ROR2: variants seen among roughly 807,000 people sequenced by gnomAD.
The protein encoded by ROR2 is tyrosine-protein kinase transmembrane receptor ROR2.
A neutral mutation model predicts 74.9 loss-of-function variants in ROR2; 33 were observed. The ratio of observed to expected loss-of-function variants is 0.44; its 90% CI spans 0.33 to 0.59. The LOEUF (loss-of-function observed/expected upper bound fraction) is 0.59. Ranked by LOEUF, ROR2 falls within the 20% of genes least tolerant of loss-of-function variation. The pLI is 0.02. For missense variants in ROR2, 1,216 were observed against 1,313.8 expected, an observed-to-expected ratio of 0.93 and a Z score of 1.15; for synonymous variants, 586 against 558.7, an observed-to-expected ratio of 1.05 and a Z score of -0.69.
intron 1 of ROR2, among the ~76,000 whole-genome samples, chr9:91,896,208 T>C (rs892164766): frequency 1.3e-5 from 2 of 152,328 alleles, no homozygotes; most frequent in Middle Eastern, 3.4e-3. Context: ...AAAAGCAGCA[T>C]CACCCTAGAC....
At chr9:91,801,481 C>T (rs933082689) in intron 1 of ROR2, among the ~76,000 whole-genome samples, 1 of 152,168 alleles carries the variant, frequency 6.6e-6, no homozygotes, top group Non-Finnish European at 1.5e-5. Context: ...TACAGGCGCC[C>T]GCCACCACAC....
intron 2 of ROR2, among the ~76,000 whole-genome samples, chr9:91,764,899 T>C (rs1826016284): frequency 6.6e-6 from 1 of 152,238 alleles, no homozygotes; most frequent in South Asian, 2.1e-4. Flanking sequence ...ATGGTGACTG[T>C]TGGAAGTCCT....
intron 1 of ROR2, among the ~76,000 whole-genome samples, chr9:91,830,846 GTGTGTGTGTA>G (rs1828447012): frequency 6.6e-6 from 1 of 151,032 alleles, no homozygotes; most frequent in African/African-American, 2.4e-5. Context: ...GTGTGTGTGT[GTGTGTGTGTA>G]GAGAAACTCA....
chr9:91,870,845 A>G (rs895724090), intron 1 of ROR2, among the ~76,000 whole-genome samples: 3 of 152,386 alleles, frequency 2.0e-5, no homozygotes, highest in South Asian at 2.1e-4. Flanking sequence ...ATATTTTAGA[A>G]TAAGTCTTTT....
chr9:91,808,088 A>G (rs1827625630), intron 1 of ROR2, among the ~76,000 whole-genome samples: 1 of 150,998 alleles, frequency 6.6e-6, no homozygotes, highest in Non-Finnish European at 1.5e-5. Context: ...ATTTCTATAA[A>G]CACTAAGCGG....
chr9:91,773,702 C>T (rs1826318744), intron 2 of ROR2, among the ~76,000 whole-genome samples: 1 of 152,230 alleles, frequency 6.6e-6, no homozygotes, highest in Non-Finnish European at 1.5e-5. Context: ...CACCTTGCCC[C>T]AGCCCATAAG....
intron 4 of ROR2, among the ~76,000 whole-genome samples, chr9:91,740,878 T>C (rs1825212176): frequency 6.6e-6 from 1 of 152,006 alleles, no homozygotes; most frequent in Non-Finnish European, 1.5e-5. Flanking sequence ...CATCCACGTT[T>C]CAGAAATGAA....
intron 2 of ROR2, among the ~76,000 whole-genome samples, chr9:91,769,818 C>A (rs1360774126): frequency 6.6e-6 from 1 of 152,200 alleles, no homozygotes; most frequent in African/African-American, 2.4e-5. Flanking sequence ...CTTGCTTCTC[C>A]CATTTAGAAA....
At chr9:91,914,237 T>C (rs755384986) in intron 1 of ROR2, among the ~76,000 whole-genome samples, 3 of 152,120 alleles carry the variant, frequency 2.0e-5, no homozygotes, top group Non-Finnish European at 4.4e-5. Flanking sequence ...ACTTGGTTGA[T>C]AGCTTATTCC....
At chr9:91,865,200 A>G (rs560198439) in intron 1 of ROR2, among the ~76,000 whole-genome samples, 2 of 152,332 alleles carry the variant, frequency 1.3e-5, no homozygotes, top group South Asian at 4.1e-4. Context: ...CAAAGAAAGA[A>G]ACCACATGAA....
chr9:91,794,572 G>A (rs1461767683), intron 1 of ROR2, among the ~76,000 whole-genome samples: 2 of 152,124 alleles, frequency 1.3e-5, no homozygotes, highest in Non-Finnish European at 2.9e-5. Context: ...AGCACATTTA[G>A]GCATTTCTTT....
intron 1 of ROR2, among the ~76,000 whole-genome samples, chr9:91,788,166 G>A (rs924001191): frequency 2.6e-5 from 4 of 152,008 alleles, no homozygotes; most frequent in African/African-American, 9.7e-5. Flanking sequence ...AGATTATCTA[G>A]TCTGCAAAGA....
intron 1 of ROR2, among the ~76,000 whole-genome samples, chr9:91,847,728 C>T (rs1828972753): frequency 6.6e-6 from 1 of 152,178 alleles, no homozygotes; most frequent in South Asian, 2.1e-4. Flanking sequence ...ATGGATCCTG[C>T]CCTTGCCGGC....
chr9:91,829,079 A>C (rs1233216172), intron 1 of ROR2, among the ~76,000 whole-genome samples: 1 of 152,236 alleles, frequency 6.6e-6, no homozygotes, highest in African/African-American at 2.4e-5. Flanking sequence ...TTTTCAAATG[A>C]CCTCAAGGTA....
At chr9:91,767,675 C>T (rs996368460) in intron 2 of ROR2, among the ~76,000 whole-genome samples, 18 of 152,256 alleles carry the variant, frequency 1.2e-4, no homozygotes, top group African/African-American at 3.1e-4. Flanking sequence ...GTGGCCACTC[C>T]ACTCGGGCTT....
chr9:91,772,395 G>C lies in ROR2; in HGVS notation c.175+3346C>G, dbSNP rs147020404. On this transcript the variant is annotated intron_variant, in intron 2 of 8. Coordinates refer to ENST00000375708, the MANE Select transcript of ROR2 (RefSeq NM_004560.4). ...GCCCTTTCATCCCGCCTATGCTGGG[G>C]GTGCTCCCATCTTGAAACTGTGCTG... Among the ~76,000 whole-genome samples, 995 of 152,292 alleles carry C rather than the reference G, an allele frequency of 6.5e-3. 8 individuals carry two copies. The highest frequency in any genetic ancestry group is 0.022 in the African/African-American group (933 of 41,552).
In ROR2 at chr9:91,806,735, A is replaced by G. The variant is rs2494786; in HGVS notation, c.98-30917T>C. Among the ~76,000 whole-genome samples the G allele has an allele frequency of 7.4e-3, 1,129 of 152,086 alleles. 9 individuals are homozygous for G. Among genetic ancestry groups the G allele is most frequent in the Middle Eastern group, 0.017 (5 of 294 alleles). On this transcript the variant is annotated intron_variant, in intron 1 of 8. Coordinates refer to ENST00000375708, the MANE Select transcript of ROR2 (RefSeq NM_004560.4). ...CTCCCAAGTAGCTGGGACTACAGGCACCCACCACCACACCCGGCTAATTTT... is the reference window on the plus strand; with the variant it reads ...CTCCCAAGTAGCTGGGACTACAGGCGCCCACCACCACACCCGGCTAATTTT...
At position 91,724,992 on chromosome 9, in the gene ROR2, G is replaced by T. The variant is rs142047260; in HGVS notation, c.1502C>A (p.Thr501Asn). The T allele has an allele frequency of 1.9e-5, 30 of 1,613,640 alleles. No individual in the cohort carries two copies. The highest frequency in any genetic ancestry group is 2.4e-5 in the Non-Finnish European group (28 of 1,180,026). The change falls in exon 9 of 9, where the codon ACC becomes AAC. Residue 501 changes from threonine to asparagine, a missense_variant. Coordinates refer to ENST00000375708, the MANE Select transcript of ROR2 (RefSeq NM_004560.4). ...CAGCGTTTTGATGGCCACAGCCTGG[G>T]TCTGCTCCCCCGGGGCAGGGCCGAA... is the stretch of plus-strand genomic sequence containing the variant. Reference protein sequence around the residue: ...HLFGPAPGEQTQAVAIKTLKD... With the variant: ...HLFGPAPGEQNQAVAIKTLKD...
intron 1 of ROR2, among the ~76,000 whole-genome samples, chr9:91,781,848 C>T (rs2118962152): frequency 6.6e-6 from 1 of 152,326 alleles, no homozygotes; most frequent in African/African-American, 2.4e-5. Flanking sequence ...GATTCCACTT[C>T]TAAAGCAAAC....
Sources: gnomAD v4.1 joint callset for allele counts (sites outside exome capture counted in the v4.1 genomes callset) on GRCh38, gnomAD v4.1.1 for gene constraint, MANE v1.5 for transcripts, NCBI Gene and HGNC (gene_info 2026-07-23, HGNC 2026-07-21) for gene names.